The following RGSL1 variants were observed in gnomAD, a reference collection of about 807,000 sequenced individuals.
RGSL1 encodes regulator of G protein signaling protein-like.
A neutral mutation model predicts 124.7 loss-of-function variants in RGSL1; 97 were observed. The ratio of observed to expected loss-of-function variants is 0.78; its 90% CI spans 0.66 to 0.92. The LOEUF is 0.92. Ranked by LOEUF, RGSL1 falls within the 40% of genes least tolerant of loss-of-function variation. RGSL1 has a pLI of 0.00. For synonymous variants in RGSL1, 424 were observed against 438.1 expected, an observed-to-expected ratio of 0.97 and a Z score of 0.40; for missense variants, 1,233 against 1,288.4, an observed-to-expected ratio of 0.96 and a Z score of 0.66.
intron 9 of RGSL1, among the ~76,000 whole-genome samples, chr1:182,499,528 T>A (rs946398871): frequency 1.3e-5 from 2 of 152,250 alleles, no homozygotes; most frequent in African/African-American, 4.8e-5. Context: ...ATTTGCTTGG[T>A]AGATTTTTCT....
At chr1:182,554,851 TA>T (rs1378796938) in intron 20 of RGSL1, 158 bp downstream of exon 20, 1 of 693,282 alleles carries the variant, frequency 1.4e-6, no homozygotes, top group Non-Finnish European at 2.4e-6. Flanking sequence ...GGTGGGAAGT[TA>T]AAGAGGTGTT....
chr1:182,515,937 A>G (rs547262881), intron 9 of RGSL1, among the ~76,000 whole-genome samples: 3 of 152,322 alleles, frequency 2.0e-5, no homozygotes, highest in East Asian at 3.9e-4. Context: ...TGCTCGTTCT[A>G]TTTAATGTCA....
At chr1:182,536,680 C>T (rs1204268144) in intron 14 of RGSL1, among the ~76,000 whole-genome samples, 2 of 152,142 alleles carry the variant, frequency 1.3e-5, no homozygotes. Context: ...GCTGGGGAGG[C>T]CTCACAATCA....
At chr1:182,469,785 T>C (rs941689717) in intron 4 of RGSL1, among the ~76,000 whole-genome samples, 1 of 152,114 alleles carries the variant, frequency 6.6e-6, no homozygotes, top group African/African-American at 2.4e-5. Context: ...ATAAGCAAAA[T>C]GTGAGATTTT....
chr1:182,469,795 T>A (rs533471827), intron 4 of RGSL1, among the ~76,000 whole-genome samples: 3 of 152,130 alleles, frequency 2.0e-5, no homozygotes, highest in African/African-American at 7.2e-5. Flanking sequence ...TGTGAGATTT[T>A]AAATATATAT....
At chr1:182,514,152 C>G (rs1484079175) in intron 9 of RGSL1, among the ~76,000 whole-genome samples, 1 of 152,184 alleles carries the variant, frequency 6.6e-6, no homozygotes, top group Non-Finnish European at 1.5e-5. Flanking sequence ...CTCAGCCTCT[C>G]AAAGTGCTGG....
chr1:182,469,597 G>C (rs1013227350), intron 4 of RGSL1, among the ~76,000 whole-genome samples: 4 of 152,090 alleles, frequency 2.6e-5, no homozygotes, highest in African/African-American at 9.7e-5. Flanking sequence ...ATAGCATGGA[G>C]GTTTCTCAAA....
intron 2 of RGSL1, among the ~76,000 whole-genome samples, chr1:182,456,881 G>A (rs1383288931): frequency 6.6e-6 from 1 of 151,958 alleles, no homozygotes; most frequent in Non-Finnish European, 1.5e-5. Context: ...GAAGTTAAAT[G>A]ATTTGCTGTA....
In RGSL1 at chr1:182,488,183, C is replaced by A. The variant is rs771173175; in HGVS notation, c.1432-102C>A. The A allele has an allele frequency of 2.6e-6, 3 of 1,145,554 alleles. No homozygotes were observed. The Admixed American group carries it at 7.0e-5, about 27-fold the overall frequency. 71.0% of individuals were successfully genotyped at this position (1,145,554 alleles called of 1,614,324 possible). A position where few individuals can be genotyped will look rare whatever the true frequency, so the allele number is the denominator to read the frequency against. ...CCATTAGATCTCCAAATTACAGAACCCAGAATCTTCAGCCTACTCTGCTCC... is the reference window on the plus strand; with the variant it reads ...CCATTAGATCTCCAAATTACAGAACACAGAATCTTCAGCCTACTCTGCTCC... On this transcript the variant is annotated intron_variant, in intron 6 of 21. Coordinates refer to ENST00000294854, the MANE Select transcript of RGSL1 (RefSeq NM_001137669.2).
chr1:182,532,502 A>G (rs1659245184), intron 13 of RGSL1, among the ~76,000 whole-genome samples, 160 bp from the exon 14 acceptor site: 1 of 151,964 alleles, frequency 6.6e-6, no homozygotes, highest in African/African-American at 2.4e-5. Flanking sequence ...AAGCTCTCTA[A>G]CCTGAGTTTC....
chr1:182,472,676 A>G lies in RGSL1; in HGVS notation c.463+119A>G, dbSNP rs568632241. On this transcript the variant is annotated intron_variant, in intron 5 of 21. Transcript: ENST00000294854. ...ACCTTCTTTCCATCTTCTATGTATC[A>G]GAGAGGCTAGTGGCAACCCCAACCC... 34 of 1,116,358 alleles carry G rather than the reference A, an allele frequency of 3.0e-5. No individual in the cohort carries two copies. The South Asian group carries it at 6.0e-4, about 20-fold the overall frequency. 69.2% of individuals were successfully genotyped at this position (1,116,358 alleles called of 1,614,324 possible).
intron 10 of RGSL1, among the ~76,000 whole-genome samples, chr1:182,523,558 C>T (rs373827856): frequency 3.9e-5 from 6 of 152,166 alleles, no homozygotes; most frequent in African/African-American, 1.4e-4. Context: ...CCACAGAAGT[C>T]TTAAATCACA....
At chr1:182,453,691 A>G in intron 1 of RGSL1, 1 of 342,732 alleles carries the variant, frequency 2.9e-6, no homozygotes, top group Non-Finnish European at 5.3e-6. Flanking sequence ...ACAGTAGGAA[A>G]AAAGAAATCT....
At chr1:182,462,620 A>C (rs1366650044) in intron 4 of RGSL1, among the ~76,000 whole-genome samples, 1 of 152,194 alleles carries the variant, frequency 6.6e-6, no homozygotes, top group African/African-American at 2.4e-5. Context: ...TTTGTTTTCC[A>C]CATAATTTAA....
At chr1:182,499,078 C>T (rs1352530005) in intron 9 of RGSL1, among the ~76,000 whole-genome samples, 1 of 152,204 alleles carries the variant, frequency 6.6e-6, no homozygotes, top group Admixed American at 6.5e-5. Context: ...CAGGCGCGAG[C>T]CCCGGCACCT....
At chr1:182,463,565 C>T (rs1653030260) in intron 4 of RGSL1, among the ~76,000 whole-genome samples, 1 of 152,076 alleles carries the variant, frequency 6.6e-6, no homozygotes, top group Admixed American at 6.6e-5. Flanking sequence ...CCTACACTGT[C>T]TTCCCTCCCC....
chr1:182,485,816 G>T (rs1655054420), intron 6 of RGSL1, among the ~76,000 whole-genome samples: 1 of 151,736 alleles, frequency 6.6e-6, no homozygotes, highest in African/African-American at 2.4e-5. Flanking sequence ...TTTATAGTAG[G>T]GAAAAAAATC....
chr1:182,470,824 A>T (rs979849100), intron 4 of RGSL1, among the ~76,000 whole-genome samples: 5 of 152,202 alleles, frequency 3.3e-5, no homozygotes, highest in Non-Finnish European at 5.9e-5. Flanking sequence ...CTAAAGTTGA[A>T]TTAGTAACTT....
chr1:182,532,678 G>C lies in RGSL1; in HGVS notation c.2381G>C (p.Arg794Thr). 2 of 1,550,930 alleles carry C rather than the reference G, an allele frequency of 1.3e-6. No individual in the cohort carries two copies. The highest frequency in any genetic ancestry group is 1.7e-6 in the Non-Finnish European group (2 of 1,146,414). Residue 794 changes from arginine to threonine, a missense_variant, in exon 14 of 22, where the codon AGA becomes ACA. By Grantham distance (71) the Arg-to-Thr change is moderately conservative. Transcript: ENST00000294854. The stretch of plus-strand genomic sequence containing the variant: ...TTTCCCCAGAAGAAAGGCTGGATGA[G>C]AATGATCAGCTTTATCAGGAGTTTT... ...LQESQKKGWM[R>T]MISFIRSFCK...
Sources: allele counts gnomAD v4.1 joint callset (sites outside exome capture counted in the v4.1 genomes callset), GRCh38; gene constraint gnomAD v4.1.1; transcripts MANE v1.5; gene names NCBI Gene and HGNC (gene_info 2026-07-23, HGNC 2026-07-21).